Variants in SBF2 observed in about 807,000 individuals in gnomAD.
SBF2 encodes the protein myotubularin-related protein 13.
A neutral mutation model predicts 225.2 loss-of-function variants in SBF2; 112 were observed. The ratio of observed to expected loss-of-function variants is 0.50; its 90% CI spans 0.43 to 0.58. The LOEUF (loss-of-function observed/expected upper bound fraction) is 0.58. SBF2 is among the 20% of genes least tolerant of loss of function. SBF2 has a pLI of 0.00. For synonymous variants in SBF2, 763 were observed against 773.3 expected (o/e 0.99, Z 0.22); for missense variants, 1,996 against 2,206.2 (o/e 0.90, Z 1.91).
At position 9,850,193 on chromosome 11, in the gene SBF2, A is replaced by G. The variant is rs1181149597; in HGVS notation, c.2636T>C (p.Leu879Pro). 2 of 1,613,752 alleles carry G rather than the reference A, an allele frequency of 1.2e-6. No homozygotes were observed. Among genetic ancestry groups the G allele is most frequent in the Non-Finnish European group, 1.7e-6 (2 of 1,180,006 alleles). Residue 879 changes from leucine to proline, a missense_variant, in exon 22 of 40, where the codon CTG becomes CCG. Physicochemically the swap from Leu to Pro is moderately conservative, Grantham distance 98. Transcript: ENST00000256190. Reference protein sequence around the residue: ...QKPKILRPALLPGEEIVCEGL... With the variant: ...QKPKILRPALPPGEEIVCEGL... ...CTCACAGACAATTTCTTCTCCTGGC[A>G]GCAGAGCAGGTCTAAGAATCTTGGG...
intron 2 of SBF2, among the ~76,000 whole-genome samples, chr11:10,175,770 C>T (rs992058759): frequency 2.0e-5 from 3 of 151,920 alleles, no homozygotes; most frequent in African/African-American, 7.3e-5. Context: ...AAGTAAAGCA[C>T]TCCTCAGCAA....
chr11:9,939,955 AAC>A (rs1300688807), intron 16 of SBF2, among the ~76,000 whole-genome samples: 1 of 152,176 alleles, frequency 6.6e-6, no homozygotes, highest in Non-Finnish European at 1.5e-5. Flanking sequence ...TTTCAGGGGA[AAC>A]ACAGCATTTT....
intron 2 of SBF2, among the ~76,000 whole-genome samples, chr11:10,193,448 G>A (rs963655467): frequency 6.2e-5 from 9 of 146,146 alleles, no homozygotes; most frequent in African/African-American, 2.3e-4. Flanking sequence ...TCCGCCTCCC[G>A]GGTTCATGCC....
At chr11:9,898,360 A>G (rs979661122) in intron 16 of SBF2, among the ~76,000 whole-genome samples, 1 of 146,124 alleles carries the variant, frequency 6.8e-6, no homozygotes, top group Non-Finnish European at 1.5e-5. Flanking sequence ...TTCTATTGCA[A>G]TGACTACTGA....
At chr11:10,068,360 C>G (rs1950714581) in intron 2 of SBF2, among the ~76,000 whole-genome samples, 1 of 152,206 alleles carries the variant, frequency 6.6e-6, no homozygotes, top group Non-Finnish European at 1.5e-5. Context: ...AGCCCTCTGG[C>G]TAAGGGTCCT....
intron 2 of SBF2, among the ~76,000 whole-genome samples, chr11:10,106,632 T>TAA (rs34207805): frequency 0.15 from 18,419 of 126,656 alleles, 1,492 homozygotes; most frequent in African/African-American, 0.21. Context: ...CCGACTCAAT[T>TAA]AAAAAAAAAA....
intron 6 of SBF2, among the ~76,000 whole-genome samples, chr11:10,010,754 G>T (rs1385996337): frequency 6.6e-6 from 1 of 152,154 alleles, no homozygotes; most frequent in Non-Finnish European, 1.5e-5. Flanking sequence ...ATTTAAAGTA[G>T]TTTTTTCTAA....
chr11:9,917,282 C>G (rs1159882805), intron 16 of SBF2, among the ~76,000 whole-genome samples: 2 of 151,448 alleles, frequency 1.3e-5, no homozygotes, highest in African/African-American at 2.4e-5. Flanking sequence ...TGATTTCCTT[C>G]CTTGGCCTCT....
At chr11:9,913,794 G>A (rs1590420947) in intron 16 of SBF2, among the ~76,000 whole-genome samples, 2 of 152,280 alleles carry the variant, frequency 1.3e-5, no homozygotes, top group Non-Finnish European at 1.5e-5. Flanking sequence ...ACTACAGAAC[G>A]CTTCTCTTCC....
chr11:9,892,819 A>G (rs1860947531), intron 17 of SBF2, among the ~76,000 whole-genome samples: 1 of 152,158 alleles, frequency 6.6e-6, no homozygotes, highest in South Asian at 2.1e-4. Context: ...TCGGCCTCCC[A>G]AAGTTTTGGG....
intron 16 of SBF2, among the ~76,000 whole-genome samples, chr11:9,932,203 C>T (rs143175535): frequency 0.07 from 10,719 of 152,296 alleles, 455 homozygotes; most frequent in South Asian, 0.095. Flanking sequence ...TTGGAAAACA[C>T]TCTTCAGGAT....
In SBF2 at chr11:9,832,192, G is replaced by A. The variant is rs755078151; in HGVS notation, c.3652+32C>T. ...TTTTTAGCACTGTCCTTATGTGAAC[G>A]GGTGGTAATTGTGTTATAGAGAGAT... On this transcript the variant is annotated intron_variant, in intron 27 of 39. Coordinates refer to ENST00000256190, the MANE Select transcript of SBF2 (RefSeq NM_030962.4). The A allele has an allele frequency of 1.6e-5, 25 of 1,572,766 alleles. 1 individual carries two copies. The highest frequency in any genetic ancestry group is 3.3e-5 in the South Asian group (3 of 90,136).
intron 2 of SBF2, among the ~76,000 whole-genome samples, chr11:10,109,695 A>G (rs1258250147): frequency 6.6e-6 from 1 of 152,170 alleles, no homozygotes; most frequent in Non-Finnish European, 1.5e-5. Context: ...TTTAGGCCAC[A>G]TAACATTATG....
At chr11:10,108,791 T>C (rs1952697387) in intron 2 of SBF2, among the ~76,000 whole-genome samples, 1 of 152,162 alleles carries the variant, frequency 6.6e-6, no homozygotes, top group Admixed American at 6.5e-5. Context: ...CCCAAAGTGC[T>C]GGGATTACAG....
intron 17 of SBF2, among the ~76,000 whole-genome samples, chr11:9,886,600 CT>C (rs5789624): frequency 0.19 from 28,097 of 150,398 alleles, 2,955 homozygotes; most frequent in Middle Eastern, 0.23. Flanking sequence ...ATTTCTGCCT[CT>C]TTTTTTTTGA....
At chr11:10,028,759 T>G (rs1949141787) in intron 5 of SBF2, among the ~76,000 whole-genome samples, 1 of 152,200 alleles carries the variant, frequency 6.6e-6, no homozygotes, top group Non-Finnish European at 1.5e-5. Flanking sequence ...TGGCTGAAAG[T>G]TGAAAATCTA....
At chr11:10,038,807 A>T (rs961089100) in intron 3 of SBF2, among the ~76,000 whole-genome samples, 4 of 151,890 alleles carry the variant, frequency 2.6e-5, no homozygotes, top group African/African-American at 9.7e-5. Flanking sequence ...ACTGATTCAG[A>T]GACAAGTATA....
chr11:10,029,347 GT>G (rs1949166554), intron 5 of SBF2, among the ~76,000 whole-genome samples: 2 of 152,122 alleles, frequency 1.3e-5, no homozygotes, highest in South Asian at 4.1e-4. Context: ...TGTGTTGAGA[GT>G]TTTCTTAATG....
chr11:9,928,895 G>A (rs766505433), intron 16 of SBF2: 1 of 372,640 alleles, frequency 2.7e-6, no homozygotes, highest in Non-Finnish European at 5.2e-6. Context: ...TTTAGACTAT[G>A]AAAATGATGT....
Sources: allele counts gnomAD v4.1 joint callset (sites outside exome capture counted in the v4.1 genomes callset), GRCh38; gene constraint gnomAD v4.1.1; transcripts MANE v1.5; gene names NCBI Gene and HGNC (gene_info 2026-07-23, HGNC 2026-07-21).